The following ARRB2 variants were observed in gnomAD, a reference collection of about 807,000 sequenced individuals.
ARRB2 encodes the protein arrestin beta 2.
ARRB2 carries 21 observed loss-of-function variants against 53.4 expected under a neutral mutation model. That is an observed-to-expected ratio of 0.39 (90% CI 0.28 to 0.57). ARRB2 has a LOEUF of 0.57. Among genes scored for constraint, ARRB2 ranks in the 20% least tolerant of loss-of-function variants. ARRB2 has a pLI of 0.55. For missense variants in ARRB2, 369 were observed against 527.5 expected (o/e 0.70, Z 2.94); for synonymous variants, 180 against 212.9 (o/e 0.85, Z 1.34).
rs534420197 is a variant in ARRB2 at position 4,713,078 on chromosome 17, C to T, written c.24-1935C>T. Among the ~76,000 whole-genome samples the T allele has an allele frequency of 5.3e-4, 81 of 152,302 alleles. 1 individual carries two copies. In the South Asian group the frequency reaches 0.015, roughly 28 times the overall value. On this transcript the variant is annotated intron_variant, in intron 1 of 14. Transcript: ENST00000269260. ...ATCTCAGCTCACTGCAACCTAAGGCCGGGCACGGTGGCTCACGCCTGTAAT... is the reference window on the plus strand; with the variant it reads ...ATCTCAGCTCACTGCAACCTAAGGCTGGGCACGGTGGCTCACGCCTGTAAT...
intron 9 of ARRB2, 81 bp from the exon 10 acceptor site, chr17:4,718,531 C>T: frequency 2.8e-6 from 4 of 1,448,048 alleles, no homozygotes; most frequent in Non-Finnish European, 2.9e-6. Flanking sequence ...CATGGGGGGG[C>T]CACGCCACGG....
rs1325451353 is a variant in ARRB2 at position 4,715,259 on chromosome 17, G to T, written c.54+216G>T. ...CCACAGGGCTGGGTGGGGCAGGCTT[G>T]GGTCCCCAAGCAAGACCACAGAGGA... On this transcript the variant is annotated intron_variant, in intron 2 of 14. Coordinates refer to ENST00000269260, the MANE Select transcript of ARRB2 (RefSeq NM_004313.4). The T allele has an allele frequency of 5.1e-6, 3 of 589,932 alleles. No individual in the cohort carries two copies. In the South Asian group the frequency reaches 6.7e-5, roughly 13 times the overall value. The allele number at this position is 589,932 out of a possible 1,614,324, so 36.5% of individuals were successfully genotyped here.
intron 11 of ARRB2, among the ~76,000 whole-genome samples, chr17:4,719,789 C>G (rs1261733953): frequency 6.6e-6 from 1 of 152,102 alleles, no homozygotes; most frequent in East Asian, 1.9e-4. Context: ...GGGGAGGTGC[C>G]ATCGTGCCCT....
Position 4,719,360 on chromosome 17 carries a change from G to C in ARRB2, c.857G>C (p.Arg286Pro). ...TPLLSDNREK[R>P]GLALDGKLKH... ...CTGCTCAGCGACAACCGGGAGAAGC[G>C]GGGTCTCGCCCTGGATGGGAAACTC... Residue 286 changes from arginine to proline, a missense_variant, in exon 11 of 15, where the codon CGG becomes CCG. By Grantham distance (103) the Arg-to-Pro change is moderately radical. Transcript: ENST00000269260. 6.2e-7 allele frequency: 1 copy of C among 1,614,100 alleles called. No homozygotes were observed. The highest frequency in any genetic ancestry group is 8.5e-7 in the Non-Finnish European group (1 of 1,179,988).
At chr17:4,710,950 G>C (rs1015252727) in intron 1 of ARRB2, among the ~76,000 whole-genome samples, 14 of 152,248 alleles carry the variant, frequency 9.2e-5, no homozygotes, top group Middle Eastern at 3.4e-3. Flanking sequence ...AGCGAGGCCT[G>C]AGGGGGATCA....
At chr17:4,710,913 G>A (rs1192217907) in intron 1 of ARRB2, among the ~76,000 whole-genome samples, 169 bp downstream of exon 1, 1 of 152,098 alleles carries the variant, frequency 6.6e-6, no homozygotes, top group Non-Finnish European at 1.5e-5. Flanking sequence ...ATGAGGGTGG[G>A]GGGGAAATGC....
intron 4 of ARRB2, 63 bp downstream of exon 4, chr17:4,716,254 C>G: frequency 6.2e-7 from 1 of 1,611,364 alleles, no homozygotes; most frequent in Non-Finnish European, 8.5e-7. Context: ...AATGGGCTGG[C>G]CTTGGAAGGG....
chr17:4,713,689 C>G (rs1914661921), intron 1 of ARRB2, among the ~76,000 whole-genome samples: 1 of 150,606 alleles, frequency 6.6e-6, no homozygotes, highest in Non-Finnish European at 1.5e-5. Context: ...ACTCAGGAAG[C>G]TGAGGCATGA....
intron 11 of ARRB2, 66 bp from the exon 12 acceptor site, chr17:4,720,150 A>G: frequency 6.6e-7 from 1 of 1,511,232 alleles, no homozygotes; most frequent in Non-Finnish European, 9.0e-7. Context: ...TCCCCGTGGG[A>G]ACCCCACGGT....
At chr17:4,719,469 C>A (rs746768083) in intron 11 of ARRB2, 49 bp downstream of exon 11, 2 of 1,600,090 alleles carry the variant, frequency 1.2e-6, no homozygotes, top group South Asian at 2.3e-5. Flanking sequence ...GGCCAGACGT[C>A]GGTTCAGTGC....
Position 4,715,694 on chromosome 17 carries a change from GACACACACACACACACACAC to G in ARRB2, c.55-267_55-248del, listed in dbSNP as rs150787978. 150 of 443,572 alleles carry G rather than the reference GACACACACACACACACACAC, an allele frequency of 3.4e-4. 2 individuals are homozygous for G. Among genetic ancestry groups the G allele is most frequent in the African/African-American group, 2.9e-3 (137 of 46,512 alleles). The allele number at this position is 443,572 out of a possible 1,614,324, so 27.5% of individuals were successfully genotyped here. ...ACACACACCTGACTGGTTGGCTGAG[GACACACACACACACACACAC>G]ACACACACACAAACACACACACACC... On this transcript the variant is annotated intron_variant, in intron 2 of 14. Transcript: ENST00000269260.
intron 10 of ARRB2, among the ~76,000 whole-genome samples, chr17:4,718,909 G>A (rs760769280): frequency 2.6e-4 from 39 of 151,356 alleles, no homozygotes; most frequent in Middle Eastern, 3.4e-3. Context: ...AGCCTCCCAC[G>A]TAGCTGGGAC....
chr17:4,715,443 TTGGG>T (rs1914850158), intron 2 of ARRB2: 1 of 279,540 alleles, frequency 3.6e-6, no homozygotes. Context: ...AGCTGGCTGG[TTGGG>T]CTGAGTTCTC....
chr17:4,713,498 G>C (rs995472747), intron 1 of ARRB2, among the ~76,000 whole-genome samples: 1 of 152,094 alleles, frequency 6.6e-6, no homozygotes, highest in Non-Finnish European at 1.5e-5. Flanking sequence ...GGGCGTGGTG[G>C]TGGGTGCCTG....
In ARRB2 at chr17:4,721,059, G is replaced by A. The variant is rs1915649201; in HGVS notation, c.*20G>A. On this transcript the variant is annotated 3_prime_UTR_variant, in exon 15 of 15. Coordinates refer to ENST00000269260, the MANE Select transcript of ARRB2 (RefSeq NM_004313.4). The surrounding 1 kb of genome is among the most constrained non-coding windows in gnomAD (Gnocchi z 4.2). ...TGCTAGGAAGCGGGGTGGGAAGAAG[G>A]GAGGGGATGGGGTTGGGAGAGGTGA... is the stretch of plus-strand genomic sequence containing the variant. 1 of 1,607,460 alleles carries A rather than the reference G, an allele frequency of 6.2e-7. No homozygotes were observed. Among genetic ancestry groups the A allele is most frequent in the Non-Finnish European group, 8.5e-7 (1 of 1,174,086 alleles).
intron 2 of ARRB2, 24 bp from the exon 3 acceptor site, chr17:4,715,949 C>T: frequency 8.1e-6 from 13 of 1,614,120 alleles, no homozygotes; most frequent in East Asian, 2.2e-5. Context: ...CCCAATCTCC[C>T]CTGTGACCCC....
At chr17:4,713,790 CAAAA>C (rs562386798) in intron 1 of ARRB2, among the ~76,000 whole-genome samples, 1 of 120,300 alleles carries the variant, frequency 8.3e-6, no homozygotes, top group African/African-American at 3.2e-5. Flanking sequence ...ACTCCATCTC[CAAAA>C]AAAAAAAAAA....
At chr17:4,714,839 A>T (rs1359204052) in intron 1 of ARRB2, 174 bp from the exon 2 acceptor site, 2 of 474,460 alleles carry the variant, frequency 4.2e-6, no homozygotes, top group Non-Finnish European at 3.8e-6. Flanking sequence ...CGTTAGAAAT[A>T]GGAAGGACCT....
At chr17:4,718,224 A>G in intron 8 of ARRB2, 37 bp from the exon 9 acceptor site, 2 of 1,585,500 alleles carry the variant, frequency 1.3e-6, no homozygotes, top group South Asian at 2.3e-5. Flanking sequence ...AACAGTGAAA[A>G]CCAGTTCCAA....
Sources: gnomAD v4.1 joint callset for allele counts (sites outside exome capture counted in the v4.1 genomes callset) on GRCh38, gnomAD v4.1.1 for gene constraint, Gnocchi (gnomAD v3.1) non-coding constraint, MANE v1.5 for transcripts, NCBI Gene and HGNC (gene_info 2026-07-23, HGNC 2026-07-21) for gene names.